The following DLG2 variants were observed in gnomAD, a reference collection of about 807,000 sequenced individuals.
DLG2 encodes the protein disks large homolog 2.
A neutral mutation model predicts 132.5 loss-of-function variants in DLG2; 45 were observed. The ratio of observed to expected loss-of-function variants is 0.34; its 90% confidence interval spans 0.27 to 0.44. DLG2 has a LOEUF of 0.44. Ranked by LOEUF, DLG2 falls within the 20% of genes least tolerant of loss-of-function variation. The probability of loss-of-function intolerance (pLI) is 1.00; values close to 1 mark genes in which losing one functional copy is unlikely to be tolerated. For missense variants in DLG2, 1,045 were observed against 1,196.9 expected (o/e 0.87, Z 1.87); for synonymous variants, 424 against 419.6 (o/e 1.01, Z -0.13).
chr11:84,992,664 CAT>C (rs1415441067), intron 6 of DLG2, among the ~76,000 whole-genome samples: 2 of 152,114 alleles, frequency 1.3e-5, no homozygotes. Context: ...AGCTTTTTTT[CAT>C]ATGTTTGTTG....
At chr11:84,873,674 C>T (rs2085859631) in intron 6 of DLG2, among the ~76,000 whole-genome samples, 1 of 152,174 alleles carries the variant, frequency 6.6e-6, no homozygotes, top group African/African-American at 2.4e-5. Context: ...GGAATTTTGT[C>T]ATTTTCAGCA....
At chr11:84,143,216 T>C (rs1019106431) in intron 9 of DLG2, among the ~76,000 whole-genome samples, 2 of 152,134 alleles carry the variant, frequency 1.3e-5, no homozygotes, top group Non-Finnish European at 2.9e-5. Flanking sequence ...GAACACATGA[T>C]GAGAAGAAAG....
chr11:83,555,413 TG>T (rs1315155100), intron 19 of DLG2, among the ~76,000 whole-genome samples: 2 of 152,212 alleles, frequency 1.3e-5, no homozygotes, highest in Non-Finnish European at 2.9e-5. Context: ...AACCATAGAT[TG>T]GGCAAGACAG....
intron 11 of DLG2, among the ~76,000 whole-genome samples, chr11:83,985,558 C>T (rs2093204539): frequency 6.6e-6 from 1 of 152,064 alleles, no homozygotes; most frequent in Admixed American, 6.6e-5. Flanking sequence ...CTCCATGTGT[C>T]CATGTGTTCT....
intron 14 of DLG2, among the ~76,000 whole-genome samples, chr11:83,944,301 C>A (rs2083312234): frequency 6.6e-6 from 1 of 152,160 alleles, no homozygotes; most frequent in Non-Finnish European, 1.5e-5. Flanking sequence ...TCAAACACTG[C>A]CTGTTCCGCC....
chr11:84,645,182 AT>A (rs2099673134), intron 6 of DLG2, among the ~76,000 whole-genome samples: 1 of 152,222 alleles, frequency 6.6e-6, no homozygotes, highest in Non-Finnish European at 1.5e-5. Context: ...CACACCCTTC[AT>A]ATTCCAACTA....
At chr11:83,530,493 G>A (rs1196058445) in intron 21 of DLG2, among the ~76,000 whole-genome samples, 4 of 151,726 alleles carry the variant, frequency 2.6e-5, no homozygotes, top group African/African-American at 9.7e-5. Flanking sequence ...ACAATTGCTA[G>A]GATAGAAAGA....
At chr11:83,621,917 G>A (rs2061692516) in intron 19 of DLG2, among the ~76,000 whole-genome samples, 1 of 151,932 alleles carries the variant, frequency 6.6e-6, no homozygotes, top group East Asian at 1.9e-4. Context: ...TTTTTATTTT[G>A]ATTGACTGAT....
chr11:84,865,700 T>C (rs1478026150), intron 6 of DLG2, among the ~76,000 whole-genome samples: 1 of 152,196 alleles, frequency 6.6e-6, no homozygotes, highest in East Asian at 1.9e-4. Context: ...ACAGGCTGCA[T>C]AGAACAAAGC....
intron 7 of DLG2, among the ~76,000 whole-genome samples, chr11:84,473,699 C>A (rs1325453747): frequency 6.6e-6 from 1 of 151,936 alleles, no homozygotes; most frequent in Non-Finnish European, 1.5e-5. Context: ...AAAAGAAACT[C>A]TCTGAAAAGT....
At chr11:85,001,736 T>G (rs528671914) in intron 6 of DLG2, among the ~76,000 whole-genome samples, 6 of 152,212 alleles carry the variant, frequency 3.9e-5, no homozygotes, top group Admixed American at 1.3e-4. Flanking sequence ...ATACCAAGAG[T>G]AAACCCTAAT....
intron 6 of DLG2, among the ~76,000 whole-genome samples, chr11:85,110,601 C>T (rs1321415361): frequency 6.6e-6 from 1 of 152,102 alleles, no homozygotes; most frequent in Non-Finnish European, 1.5e-5. Flanking sequence ...ATCACCATCT[C>T]TCCTTCACTA....
intron 18 of DLG2, among the ~76,000 whole-genome samples, chr11:83,715,271 A>G (rs535612838): frequency 5.9e-5 from 9 of 152,206 alleles, no homozygotes; most frequent in Non-Finnish European, 1.2e-4. Flanking sequence ...TCTTCTCCAT[A>G]TATTTCCTAC....
chr11:84,588,576 T>A (rs1454198706), intron 6 of DLG2, among the ~76,000 whole-genome samples: 4 of 152,078 alleles, frequency 2.6e-5, no homozygotes, highest in Non-Finnish European at 5.9e-5. Context: ...CCAGAGCAGC[T>A]CCATTTTGAA....
chr11:84,398,639 AT>A (rs1389803908), intron 7 of DLG2, among the ~76,000 whole-genome samples: 2 of 152,216 alleles, frequency 1.3e-5, no homozygotes, highest in Non-Finnish European at 2.9e-5. Context: ...TGTAGGTGAT[AT>A]CCCCAAGTAT....
At chr11:83,684,169 C>T (rs989891938) in intron 18 of DLG2, among the ~76,000 whole-genome samples, 1 of 152,086 alleles carries the variant, frequency 6.6e-6, no homozygotes, top group African/African-American at 2.4e-5. Context: ...GAACGTTCCA[C>T]TGCTAACTCC....
intron 4 of DLG2, among the ~76,000 whole-genome samples, chr11:85,279,639 C>T (rs575564923): frequency 6.6e-6 from 1 of 152,054 alleles, no homozygotes; most frequent in Non-Finnish European, 1.5e-5. Flanking sequence ...CAAATACCAA[C>T]ACAAATCCAT....
intron 4 of DLG2, among the ~76,000 whole-genome samples, chr11:85,158,771 C>G (rs981623533): frequency 6.6e-6 from 1 of 152,102 alleles, no homozygotes; most frequent in Non-Finnish European, 1.5e-5. Flanking sequence ...TAGTCTGACT[C>G]GTGTAGAGCT....
At chr11:84,450,516 T>A (rs2099048694) in intron 7 of DLG2, among the ~76,000 whole-genome samples, 1 of 151,286 alleles carries the variant, frequency 6.6e-6, no homozygotes, top group Admixed American at 6.6e-5. Flanking sequence ...GTACCCATAA[T>A]TAGACAATGT....
Sources: gnomAD v4.1 joint callset for allele counts (sites outside exome capture counted in the v4.1 genomes callset) on GRCh38, gnomAD v4.1.1 for gene constraint, MANE v1.5 for transcripts, NCBI Gene and HGNC (gene_info 2026-07-23, HGNC 2026-07-21) for gene names.